UPF1: variants seen among roughly 807,000 people sequenced by gnomAD.
The protein encoded by UPF1 is regulator of nonsense transcripts 1.
Under a neutral mutation model 129.2 loss-of-function variants are expected in UPF1, and 9 were observed. That is an observed-to-expected ratio of 0.07 (90% CI 0.04 to 0.12). The LOEUF (loss-of-function observed/expected upper bound fraction) is 0.12, where lower values mean the gene tolerates loss of function less well. Among genes scored for constraint, UPF1 ranks in the 10% least tolerant of loss-of-function variants. The probability of loss-of-function intolerance (pLI) is 1.00; values close to 1 mark genes in which losing one functional copy is unlikely to be tolerated. For missense variants in UPF1, 788 were observed against 1,525.3 expected (o/e 0.52, Z 8.05); for synonymous variants, 649 against 644.9 (o/e 1.01, Z -0.10).
In UPF1 at chr19:18,855,218, A is replaced by G. The variant is rs142212679; in HGVS notation, c.1520A>G (p.Tyr507Cys). 109 of 1,612,202 alleles carry G rather than the reference A, an allele frequency of 6.8e-5. No homozygotes were observed. Among genetic ancestry groups the G allele is most frequent in the East Asian group, 6.7e-4 (30 of 44,890 alleles). ...GKTVTSATIV[Y>C]HLARQGNGPV... ...ACGGTGACGTCGGCCACCATCGTCT[A>G]CCACCTGGCCCGGCAAGGCAACGGG... Residue 507 changes from tyrosine (Y) to cysteine (C), a missense_variant, in exon 11 of 24, where the codon TAC becomes TGC. Physicochemically the swap from Tyr to Cys is radical, Grantham distance 194 (BLOSUM62 -2). Transcript: ENST00000262803.
At chr19:18,852,407 G>T (rs1601112842) in intron 6 of UPF1, 111 bp downstream of exon 6, 3 of 1,479,422 alleles carry the variant, frequency 2.0e-6, no homozygotes, top group African/African-American at 2.9e-5. Context: ...GATGTGGGCT[G>T]CAGCCGCGAC....
At position 18,856,975 on chromosome 19, in the gene UPF1, C is replaced by T; in HGVS notation, c.1923C>T (p.Ala641=). The T allele has an allele frequency of 6.2e-7, 1 of 1,612,754 alleles. No individual in the cohort carries two copies. The highest frequency in any genetic ancestry group is 8.5e-7 in the Non-Finnish European group (1 of 1,179,990). Residue 641 remains alanine, a synonymous_variant, in exon 14 of 24, where the codon GCC becomes GCT. Coordinates refer to ENST00000262803, the MANE Select transcript of UPF1 (RefSeq NM_002911.4). ...RSILIDESTQ[A]TEPECMVPVV... ...TTTTAATCGACGAAAGCACCCAGGC[C>T]ACCGAGCCGGAGTGCATGGTTCCCG...
intron 1 of UPF1, among the ~76,000 whole-genome samples, chr19:18,844,989 C>A (rs778277149): frequency 6.6e-6 from 1 of 152,262 alleles, no homozygotes; most frequent in Non-Finnish European, 1.5e-5. Flanking sequence ...TGCCCATGCA[C>A]CCCAGCCAGG....
Position 18,865,468 on chromosome 19 carries a change from C to A in UPF1, c.3019+18C>A, listed in dbSNP as rs746527373. 2 of 1,611,914 alleles carry A rather than the reference C, an allele frequency of 1.2e-6. No homozygotes were observed. The highest frequency in any genetic ancestry group is 1.7e-5 in the Admixed American group (1 of 59,990). ...TGCTGCAGGTGAGCATCTGTGGCTG[C>A]GGCTGGGTGTGGCCCTCCTGAGAGC... On this transcript the variant is annotated intron_variant, in intron 21 of 23. Coordinates refer to ENST00000262803, the MANE Select transcript of UPF1 (RefSeq NM_002911.4). This position sits in a 1 kb window ranked among gnomAD's most constrained non-coding sequence, Gnocchi z 6.1.
intron 20 of UPF1, 113 bp downstream of exon 20, chr19:18,864,364 T>C: frequency 1.0e-6 from 1 of 973,086 alleles, no homozygotes; most frequent in South Asian, 1.6e-5. Context: ...TCAAGGGCGG[T>C]GCCTGGCTCC....
At chr19:18,855,462 TGGGGGCAGG>T in intron 11 of UPF1, 1 of 615,974 alleles carries the variant, frequency 1.6e-6, no homozygotes, top group Non-Finnish European at 2.8e-6. Context: ...TTTAGAAAAC[TGGGGGCAGG>T]GGGGGCATGG....
chr19:18,841,367 T>G (rs1050674362), intron 1 of UPF1, among the ~76,000 whole-genome samples: 1 of 152,242 alleles, frequency 6.6e-6, no homozygotes, highest in African/African-American at 2.4e-5. Context: ...GTATGTAGTA[T>G]GCATTTCTAG....
chr19:18,848,287 G>A (rs1024445), intron 3 of UPF1: 28,306 of 167,020 alleles, frequency 0.17, 3,333 homozygotes, highest in East Asian at 0.4. Flanking sequence ...CTTGACCGTC[G>A]GCGCTGGGCT....
At chr19:18,859,775 G>A in intron 15 of UPF1, 1 of 152,506 alleles carries the variant, frequency 6.6e-6, no homozygotes, top group Non-Finnish European at 1.5e-5. Context: ...TGAGCATGAA[G>A]AGCCCGAAGA....
chr19:18,846,517 G>A (rs1601104981), intron 2 of UPF1, among the ~76,000 whole-genome samples: 1 of 152,202 alleles, frequency 6.6e-6, no homozygotes, highest in African/African-American at 2.4e-5. Flanking sequence ...GGGTTCTGGG[G>A]CATCCCTGCC....
Position 18,860,444 on chromosome 19 carries a change from C to G in UPF1, c.2300+6C>G. ...GGCACCTCCTACCTGAACAGGTGAG[C>G]AGGGACAGGCCCACCGGCGTCTGCA... On this transcript the variant is annotated splice_donor_region_variant and intron_variant, in intron 16 of 23. Coordinates refer to ENST00000262803, the MANE Select transcript of UPF1 (RefSeq NM_002911.4). 1 of 1,613,000 alleles carries G rather than the reference C, an allele frequency of 6.2e-7. No individual in the cohort carries two copies. The highest frequency in any genetic ancestry group is 8.5e-7 in the Non-Finnish European group (1 of 1,179,158).
intron 19 of UPF1, among the ~76,000 whole-genome samples, 188 bp from the exon 20 acceptor site, chr19:18,863,982 C>G (rs2055810834): frequency 6.6e-6 from 1 of 152,130 alleles, no homozygotes; most frequent in Non-Finnish European, 1.5e-5. Flanking sequence ...GAGCCCAGGT[C>G]TGCCGAGGAG....
intron 3 of UPF1, 159 bp from the exon 4 acceptor site, chr19:18,849,916 G>T (rs1392871869): frequency 6.0e-6 from 5 of 833,698 alleles, no homozygotes; most frequent in Middle Eastern, 2.5e-4. Flanking sequence ...GAGCTAGTTT[G>T]GGGGAGGGCT....
Position 18,853,400 on chromosome 19 carries a change from G to T in UPF1, c.1156+50G>T. 1 of 1,526,210 alleles carries T rather than the reference G, an allele frequency of 6.6e-7. No homozygotes were observed. Among genetic ancestry groups the T allele is most frequent in the Non-Finnish European group, 8.8e-7 (1 of 1,130,034 alleles). 94.5% of individuals were successfully genotyped at this position (1,526,210 alleles called of 1,614,324 possible). On this transcript the variant is annotated intron_variant, in intron 8 of 23. Transcript: ENST00000262803. The surrounding 1 kb of genome is among the most constrained non-coding windows in gnomAD (Gnocchi z 4.4). The stretch of plus-strand genomic sequence containing the variant: ...GGCCGGCTGGTGGGAGAGGAAAGTG[G>T]GGGCATCAGGTGGAGGCCACTGTGG...
At chr19:18,845,163 C>T (rs2055584299) in intron 1 of UPF1, among the ~76,000 whole-genome samples, 1 of 152,256 alleles carries the variant, frequency 6.6e-6, no homozygotes, top group Non-Finnish European at 1.5e-5. Context: ...GCTCCCATCA[C>T]TCCTCCCTGG....
intron 16 of UPF1, 75 bp downstream of exon 16, chr19:18,860,513 T>A: frequency 6.9e-7 from 1 of 1,454,446 alleles, no homozygotes; most frequent in Non-Finnish European, 9.5e-7. Flanking sequence ...ATTCTACTTA[T>A]TTTTAACATG....
chr19:18,841,359 A>G (rs1301578637), intron 1 of UPF1, among the ~76,000 whole-genome samples: 1 of 152,110 alleles, frequency 6.6e-6, no homozygotes, highest in Admixed American at 6.6e-5. Context: ...GACCTGCAGT[A>G]TGTAGTATGC....
chr19:18,846,555 A>G (rs1015297009), intron 2 of UPF1, among the ~76,000 whole-genome samples: 1 of 152,042 alleles, frequency 6.6e-6, no homozygotes, highest in African/African-American at 2.4e-5. Flanking sequence ...TGCCTGGAGA[A>G]TTGGATGTGA....
In UPF1 at chr19:18,832,009, C is replaced by CTGAGGA; in HGVS notation, c.-201_-200insTGAGGA. 2.8e-6 allele frequency: 1 copy of CTGAGGA among 352,292 alleles called. No homozygotes were observed. Among genetic ancestry groups the CTGAGGA allele is most frequent in the Non-Finnish European group, 4.9e-6 (1 of 204,060 alleles). 21.8% of individuals were successfully genotyped at this position (352,292 alleles called of 1,614,324 possible). A position where few individuals can be genotyped will look rare whatever the true frequency, so the allele number is the denominator to read the frequency against. On this transcript the variant is annotated 5_prime_UTR_variant, in exon 1 of 24. Coordinates refer to ENST00000262803, the MANE Select transcript of UPF1 (RefSeq NM_002911.4). The surrounding 1 kb of genome is among the most constrained non-coding windows in gnomAD (Gnocchi z 5.6). ...CTGGCGGCTTCGAGGGGAGCTGAGG[C>CTGAGGA]GCGGAGGGGCTCGGCGGCAGCGGCG...
Sources: gnomAD v4.1 joint callset for allele counts (sites outside exome capture counted in the v4.1 genomes callset) on GRCh38, gnomAD v4.1.1 for gene constraint, Gnocchi (gnomAD v3.1) non-coding constraint, MANE v1.5 for transcripts, NCBI Gene and HGNC (gene_info 2026-07-23, HGNC 2026-07-21) for gene names.